The following PLCL1 variants were observed in gnomAD, a reference collection of about 807,000 sequenced individuals.
PLCL1 encodes inactive phospholipase C-like protein 1.
PLCL1 carries 41 observed loss-of-function variants against 84.4 expected under a neutral mutation model. The observed-to-expected ratio is 0.49, with a 90% confidence interval of 0.38 to 0.63. PLCL1 has a LOEUF of 0.63. PLCL1 is among the 30% of genes least tolerant of loss of function. PLCL1 has a pLI of 0.00. For missense variants in PLCL1, 1,206 were observed against 1,367.8 expected (o/e 0.88, Z 1.87); for synonymous variants, 490 against 488.3 (o/e 1.00, Z -0.05).
intron 1 of PLCL1, among the ~76,000 whole-genome samples, chr2:198,018,343 T>G (rs1691048889): frequency 6.6e-6 from 1 of 152,148 alleles, no homozygotes; most frequent in African/African-American, 2.4e-5. Context: ...GGAGTTTTAT[T>G]TCATACCTCA....
At chr2:197,917,686 G>T (rs1199091363) in intron 1 of PLCL1, among the ~76,000 whole-genome samples, 1 of 152,104 alleles carries the variant, frequency 6.6e-6, no homozygotes, top group Non-Finnish European at 1.5e-5. Flanking sequence ...ACGATAAAAG[G>T]AACCAAGGAA....
chr2:197,923,650 C>T (rs1345476842), intron 1 of PLCL1, among the ~76,000 whole-genome samples: 30 of 149,264 alleles, frequency 2.0e-4, no homozygotes, highest in Non-Finnish European at 3.7e-4. Flanking sequence ...GGCGGCCGGG[C>T]GCAGACGCTC....
intron 1 of PLCL1, among the ~76,000 whole-genome samples, chr2:197,836,042 A>G (rs553653829): frequency 1.3e-5 from 2 of 152,202 alleles, no homozygotes; most frequent in Non-Finnish European, 2.9e-5. Flanking sequence ...AGTTTTAAAC[A>G]ATGTTTTGCT....
intron 3 of PLCL1, among the ~76,000 whole-genome samples, chr2:198,098,603 T>G (rs187294008): frequency 6.6e-6 from 1 of 152,322 alleles, no homozygotes; most frequent in East Asian, 1.9e-4. Flanking sequence ...CATGATAGAC[T>G]GTCTTTAAGA....
intron 1 of PLCL1, among the ~76,000 whole-genome samples, chr2:197,809,809 AGTGTGTGT>A (rs3056067): frequency 3.4e-5 from 5 of 146,652 alleles, no homozygotes; most frequent in African/African-American, 1.3e-4. Flanking sequence ...GAGCTCTGAA[AGTGTGTGT>A]GTGTGTGTGT....
At chr2:198,016,768 G>C (rs978881712) in intron 1 of PLCL1, among the ~76,000 whole-genome samples, 1 of 152,126 alleles carries the variant, frequency 6.6e-6, no homozygotes, top group Non-Finnish European at 1.5e-5. Flanking sequence ...GGTTATCCTC[G>C]GGTTGTTTCC....
At chr2:198,057,716 C>A (rs577472274) in intron 1 of PLCL1, among the ~76,000 whole-genome samples, 1 of 152,290 alleles carries the variant, frequency 6.6e-6, no homozygotes. Context: ...AAGTATGATG[C>A]ATGGAACTCC....
chr2:197,952,647 T>C (rs1469769969), intron 1 of PLCL1, among the ~76,000 whole-genome samples: 2 of 152,128 alleles, frequency 1.3e-5, no homozygotes, highest in African/African-American at 4.8e-5. Flanking sequence ...ATGCCTAATA[T>C]GGTTGGCAAA....
chr2:197,980,828 A>G (rs2105804633), intron 1 of PLCL1, among the ~76,000 whole-genome samples: 2 of 152,306 alleles, frequency 1.3e-5, no homozygotes, highest in East Asian at 3.9e-4. Flanking sequence ...AATATTCACA[A>G]TATCTTATAA....
At chr2:198,098,115 C>T (rs1007504027) in intron 3 of PLCL1, among the ~76,000 whole-genome samples, 7 of 152,034 alleles carry the variant, frequency 4.6e-5, no homozygotes, top group African/African-American at 1.4e-4. Context: ...ACCATAGAAT[C>T]GAAACCTAGT....
At chr2:198,104,579 A>G (rs186011311) in intron 5 of PLCL1, among the ~76,000 whole-genome samples, 1 of 152,150 alleles carries the variant, frequency 6.6e-6, no homozygotes, top group Non-Finnish European at 1.5e-5. Flanking sequence ...CTGGGGTCAA[A>G]TGGTAATTCT....
intron 5 of PLCL1, among the ~76,000 whole-genome samples, chr2:198,114,423 T>C (rs1693691346): frequency 1.3e-5 from 2 of 151,946 alleles, no homozygotes; most frequent in African/African-American, 4.8e-5. Context: ...AGGATCCTAA[T>C]GAATAGATGC....
intron 1 of PLCL1, among the ~76,000 whole-genome samples, chr2:198,067,284 C>T (rs578164908): frequency 6.6e-6 from 1 of 152,004 alleles, no homozygotes; most frequent in Non-Finnish European, 1.5e-5. Context: ...TGCACCACCA[C>T]ACTCAGCTAA....
intron 1 of PLCL1, among the ~76,000 whole-genome samples, chr2:197,954,730 G>T (rs1179226762): frequency 6.6e-6 from 1 of 152,024 alleles, no homozygotes; most frequent in East Asian, 1.9e-4. Context: ...GACAGGGACT[G>T]TTTTTGGTAT....
chr2:197,881,347 G>C (rs1687824211), intron 1 of PLCL1, among the ~76,000 whole-genome samples: 1 of 152,056 alleles, frequency 6.6e-6, no homozygotes, highest in Non-Finnish European at 1.5e-5. Context: ...CTGTTATAGG[G>C]GGACAGCCCT....
chr2:198,005,845 T>C (rs374495565), intron 1 of PLCL1, among the ~76,000 whole-genome samples: 1 of 152,238 alleles, frequency 6.6e-6, no homozygotes, highest in Non-Finnish European at 1.5e-5. Context: ...TGAGGACTTC[T>C]TTTTAGCTGA....
intron 1 of PLCL1, among the ~76,000 whole-genome samples, chr2:197,903,428 G>C (rs1357112906): frequency 6.9e-6 from 1 of 145,256 alleles, no homozygotes; most frequent in African/African-American, 2.6e-5. Flanking sequence ...TTTCAGGCTT[G>C]GGACAAAAAT....
chr2:197,950,076 AT>A (rs1465845176), intron 1 of PLCL1, among the ~76,000 whole-genome samples: 1 of 152,174 alleles, frequency 6.6e-6, no homozygotes, highest in Non-Finnish European at 1.5e-5. Flanking sequence ...TCACATTTGC[AT>A]TATAACATTT....
intron 5 of PLCL1, among the ~76,000 whole-genome samples, chr2:198,143,398 T>C (rs1368218564): frequency 1.3e-5 from 2 of 152,160 alleles, no homozygotes; most frequent in African/African-American, 4.8e-5. Flanking sequence ...TTCTCACAGG[T>C]CACAGGGACT....
Sources: allele counts gnomAD v4.1 joint callset (sites outside exome capture counted in the v4.1 genomes callset), GRCh38; gene constraint gnomAD v4.1.1; transcripts MANE v1.5; gene names NCBI Gene and HGNC (gene_info 2026-07-23, HGNC 2026-07-21).